LAMA2: variants seen among roughly 807,000 people sequenced by gnomAD.
LAMA2 encodes the protein laminin subunit alpha-2.
A neutral mutation model predicts 364.8 loss-of-function variants in LAMA2; 269 were observed. The ratio of observed to expected loss-of-function variants is 0.74; its 90% CI spans 0.67 to 0.82. The LOEUF is 0.82. Ranked by LOEUF, LAMA2 falls within the 40% of genes least tolerant of loss-of-function variation. LAMA2 has a pLI of 0.00. For missense variants in LAMA2, 3,807 were observed against 3,873.2 expected, an observed-to-expected ratio of 0.98 and a Z score of 0.45; for synonymous variants, 1,379 against 1,370.6, an observed-to-expected ratio of 1.01 and a Z score of -0.14.
chr6:129,221,911 C>T (rs1049387130), intron 12 of LAMA2, among the ~76,000 whole-genome samples: 2 of 152,080 alleles, frequency 1.3e-5, no homozygotes, highest in African/African-American at 2.4e-5. Flanking sequence ...TACAGGTATA[C>T]GTGATAATAT....
At chr6:128,947,891 G>A (rs762803232) in intron 1 of LAMA2, among the ~76,000 whole-genome samples, 4 of 151,976 alleles carry the variant, frequency 2.6e-5, no homozygotes, top group Non-Finnish European at 5.9e-5. Flanking sequence ...GAAGGGAGAC[G>A]ATAAATAGCT....
chr6:128,973,890 G>C (rs1276851773), intron 1 of LAMA2, among the ~76,000 whole-genome samples: 3 of 152,150 alleles, frequency 2.0e-5, no homozygotes, highest in Non-Finnish European at 4.4e-5. Context: ...TTCGTGCTTT[G>C]TGGGGACAAT....
chr6:129,209,732 G>T (rs904277858), intron 12 of LAMA2, among the ~76,000 whole-genome samples: 16 of 152,010 alleles, frequency 1.1e-4, no homozygotes, highest in African/African-American at 3.4e-4. Flanking sequence ...GGCCGGGCGC[G>T]GTGGCTCACG....
chr6:128,956,807 A>G (rs1383005410), intron 1 of LAMA2, among the ~76,000 whole-genome samples: 1 of 148,370 alleles, frequency 6.7e-6, no homozygotes, highest in Non-Finnish European at 1.5e-5. Flanking sequence ...GTCACGAAGA[A>G]GGTATTTTTT....
intron 19 of LAMA2, among the ~76,000 whole-genome samples, chr6:129,291,056 T>G (rs376110992): frequency 5.5e-4 from 84 of 152,310 alleles, no homozygotes; most frequent in African/African-American, 1.9e-3. Context: ...AAAAACTAAC[T>G]AAATTTTTCT....
Position 129,447,727 on chromosome 6 carries a change from C to T in LAMA2, c.6429+1906C>T, listed in dbSNP as rs573372787. Reference sequence around the variant, plus strand: ...GATGAAAGAAAGAAGAATGAAGGACCCAACTATAGCTGTGGCAAGAGAAAA... The same window carrying T: ...GATGAAAGAAAGAAGAATGAAGGACTCAACTATAGCTGTGGCAAGAGAAAA... On this transcript the variant is annotated intron_variant, in intron 45 of 64. Coordinates refer to ENST00000421865, the MANE Select transcript of LAMA2 (RefSeq NM_000426.4). Among the ~76,000 whole-genome samples the T allele has an allele frequency of 2.1e-3, 320 of 152,132 alleles. 2 individuals are homozygous for T. The highest frequency in any genetic ancestry group is 7.3e-3 in the African/African-American group (302 of 41,500).
chr6:129,209,654 T>A (rs961029080), intron 12 of LAMA2, among the ~76,000 whole-genome samples: 5 of 152,182 alleles, frequency 3.3e-5, no homozygotes, highest in Non-Finnish European at 7.3e-5. Flanking sequence ...TATGAAAGTC[T>A]CTCAAGTGCG....
At chr6:129,289,777 A>G (rs2114426722) in intron 19 of LAMA2, among the ~76,000 whole-genome samples, 2 of 152,240 alleles carry the variant, frequency 1.3e-5, no homozygotes, top group South Asian at 4.2e-4. Context: ...TGTGAGAATA[A>G]AAACATTTTG....
chr6:129,243,396 T>C (rs892875716), intron 12 of LAMA2, among the ~76,000 whole-genome samples: 1 of 152,112 alleles, frequency 6.6e-6, no homozygotes, highest in African/African-American at 2.4e-5. Context: ...AACACTATAA[T>C]GAATATCTCT....
intron 3 of LAMA2, among the ~76,000 whole-genome samples, chr6:129,094,796 C>T (rs1188953088): frequency 6.6e-6 from 1 of 152,128 alleles, no homozygotes; most frequent in Non-Finnish European, 1.5e-5. Context: ...TATTCATTAT[C>T]TCATTATCTC....
At chr6:129,349,946 T>C (rs2114586124) in intron 31 of LAMA2, among the ~76,000 whole-genome samples, 1 of 152,310 alleles carries the variant, frequency 6.6e-6, no homozygotes, top group South Asian at 2.1e-4. Context: ...ATGTTTTCTC[T>C]TACCATATTG....
At chr6:129,350,106 A>G (rs1313979509) in intron 31 of LAMA2, among the ~76,000 whole-genome samples, 2 of 152,214 alleles carry the variant, frequency 1.3e-5, no homozygotes, top group Non-Finnish European at 2.9e-5. Context: ...TAAGATCAGT[A>G]TCCTGGATAT....
chr6:129,353,890 G>C (rs990595575), intron 32 of LAMA2, among the ~76,000 whole-genome samples: 1 of 152,228 alleles, frequency 6.6e-6, no homozygotes, highest in East Asian at 1.9e-4. Context: ...TTTTACTCAC[G>C]TACAGTAAGT....
At chr6:129,096,153 G>T (rs1175912880) in intron 3 of LAMA2, among the ~76,000 whole-genome samples, 4 of 152,172 alleles carry the variant, frequency 2.6e-5, no homozygotes, top group Non-Finnish European at 5.9e-5. Context: ...CATTCTACGT[G>T]ATGAGTTGTT....
chr6:129,348,316 A>G (rs1480188801), intron 30 of LAMA2, among the ~76,000 whole-genome samples: 1 of 152,212 alleles, frequency 6.6e-6, no homozygotes, highest in Non-Finnish European at 1.5e-5. Flanking sequence ...GACCAAAAGG[A>G]GCTGTGGGCC....
At chr6:129,269,364 C>CTTTTTTTTTTTTTTTTT (rs370461121) in intron 16 of LAMA2, among the ~76,000 whole-genome samples, 1 of 144,690 alleles carries the variant, frequency 6.9e-6, no homozygotes. Flanking sequence ...AAGCTTCCAT[C>CTTTTTTTTTTTTTTTTT]TTTTTTTTTT....
chr6:129,119,517 T>C (rs1776676587), intron 4 of LAMA2, among the ~76,000 whole-genome samples: 1 of 151,516 alleles, frequency 6.6e-6, no homozygotes, highest in South Asian at 2.1e-4. Flanking sequence ...ATATTATACA[T>C]TTTATTTTAT....
intron 4 of LAMA2, among the ~76,000 whole-genome samples, chr6:129,132,272 T>G (rs1260852361): frequency 2.6e-5 from 4 of 151,730 alleles, no homozygotes; most frequent in Admixed American, 2.0e-4. Context: ...GTTCATGCCA[T>G]TCTCCCACCT....
At chr6:129,334,741 G>A (rs1009417351) in intron 29 of LAMA2, among the ~76,000 whole-genome samples, 4 of 152,126 alleles carry the variant, frequency 2.6e-5, no homozygotes, top group Admixed American at 6.6e-5. Flanking sequence ...TCTGGGGAAG[G>A]CTTCTTTCCT....
Sources: allele counts gnomAD v4.1 joint callset (sites outside exome capture counted in the v4.1 genomes callset), GRCh38; gene constraint gnomAD v4.1.1; transcripts MANE v1.5; gene names NCBI Gene and HGNC (gene_info 2026-07-23, HGNC 2026-07-21).